C17orf75: variants seen among roughly 807,000 people sequenced by gnomAD.
The protein encoded by C17orf75 is chromosome 17 open reading frame 75.
In C17orf75, 32 loss-of-function variants were observed where a neutral mutation model predicts 49.6. The ratio of observed to expected loss-of-function variants is 0.65; its 90% CI spans 0.49 to 0.87. The LOEUF (loss-of-function observed/expected upper bound fraction) is 0.87. Ranked by LOEUF, C17orf75 falls within the 40% of genes least tolerant of loss-of-function variation. The probability of loss-of-function intolerance (pLI) is 0.00; values close to 1 mark genes in which losing one functional copy is unlikely to be tolerated. For synonymous variants in C17orf75, 158 were observed against 159.5 expected (o/e 0.99, Z 0.07); for missense variants, 428 against 473.9 (o/e 0.90, Z 0.90).
chr17:32,347,398 C>A (rs992653255), intron 1 of C17orf75, among the ~76,000 whole-genome samples: 12 of 152,128 alleles, frequency 7.9e-5, no homozygotes, highest in African/African-American at 2.9e-4. Context: ...CCTGCCTCAG[C>A]CTCCAGAGTA....
In C17orf75 at chr17:32,328,912, A is replaced by AC. The variant is rs1300401952; in HGVS notation, c.*2850_*2851insG. 1 of 152,194 alleles carries AC rather than the reference A, an allele frequency of 6.6e-6. No individual in the cohort carries two copies. Among genetic ancestry groups the AC allele is most frequent in the Admixed American group, 6.5e-5 (1 of 15,282 alleles). 9.4% of individuals were successfully genotyped at this position (152,194 alleles called of 1,614,324 possible). Reference sequence around the variant, plus strand: ...CTTAAAAAATAAAACAAAAACAAAAAAAAAAACAACTTTAAAAGCCAAGAT... The same window carrying AC: ...CTTAAAAAATAAAACAAAAACAAAAACAAAAAACAACTTTAAAAGCCAAGAT... On this transcript the variant is annotated 3_prime_UTR_variant, in exon 10 of 10. Transcript: ENST00000577809.
intron 7 of C17orf75, 61 bp downstream of exon 7, chr17:32,334,714 C>T: frequency 1.3e-6 from 2 of 1,568,524 alleles, no homozygotes; most frequent in Non-Finnish European, 1.7e-6. Flanking sequence ...GAGCAGTTTA[C>T]AAACACAGAT....
chr17:32,340,110 C>T, intron 2 of C17orf75, 172 bp from the exon 3 acceptor site: 2 of 703,018 alleles, frequency 2.8e-6, no homozygotes, highest in Middle Eastern at 7.6e-4. Context: ...TATGATCTAC[C>T]TCATCAAATA....
At chr17:32,346,134 C>T (rs971685305), upstream of C17orf75, among the ~76,000 whole-genome samples, 4 of 152,060 alleles carry the variant, frequency 2.6e-5, no homozygotes, top group East Asian at 1.9e-4. Flanking sequence ...CTCACTACAA[C>T]GAGAGGCACA....
Position 32,331,902 on chromosome 17 carries a change from T to A in C17orf75, c.1052A>T (p.Tyr351Phe). 6.2e-7 allele frequency: 1 copy of A among 1,613,520 alleles called. No homozygotes were observed. Among genetic ancestry groups the A allele is most frequent in the Non-Finnish European group, 8.5e-7 (1 of 1,179,566 alleles). Residue 351 changes from tyrosine (Y) to phenylalanine (F), a missense_variant, in exon 10 of 10, where the codon TAC (tyrosine) becomes TTC (phenylalanine). Physicochemically the swap from Tyr to Phe is conservative, Grantham distance 22. Coordinates refer to ENST00000577809, the MANE Select transcript of C17orf75 (RefSeq NM_022344.4). ...EMNHYALFKC[Y>F]MFLKNCGSGD... is the part of the protein sequence containing the mutation. Reference sequence around the variant, plus strand: ...ACTACCACAGTTCTTTAGGAACATGTAACATTTAAACAAAGCATAATGATT... The same window carrying A: ...ACTACCACAGTTCTTTAGGAACATGAAACATTTAAACAAAGCATAATGATT...
At position 32,342,092 on chromosome 17, in the gene C17orf75, T is replaced by C; in HGVS notation, c.48A>G (p.Leu16=). ...QESMDGDEKE[L]ESSEEGGSAE... is the part of the protein sequence containing the mutation. ...CTGAGCCTCCCTCTTCGCTGCTCTC[T>C]AGTTCCTTTTCATCTCCATCCATCG... The change falls in exon 1 of 10, where the codon CTA becomes CTG. Residue 16 remains leucine, a synonymous_variant. Coordinates refer to ENST00000577809, the MANE Select transcript of C17orf75 (RefSeq NM_022344.4). The C allele has an allele frequency of 6.3e-7, 1 of 1,599,314 alleles. No homozygotes were observed. Among genetic ancestry groups the C allele is most frequent in the South Asian group, 1.1e-5 (1 of 88,582 alleles).
In C17orf75 at chr17:32,342,135, A is replaced by T. The variant is rs201322517; in HGVS notation, c.5T>A (p.Leu2His). The T allele has an allele frequency of 6.3e-7, 1 of 1,596,652 alleles. No individual in the cohort carries two copies. The highest frequency in any genetic ancestry group is 8.5e-7 in the Non-Finnish European group (1 of 1,172,394). M[L>H]PSLQESMDGD... ...ATCCATCGACTCCTGCAAAGAGGGGAGCATTGCGGCGGCCTCTGAGCGGCC... is the reference window on the plus strand; with the variant it reads ...ATCCATCGACTCCTGCAAAGAGGGGTGCATTGCGGCGGCCTCTGAGCGGCC... Residue 2 changes from leucine to histidine, a missense_variant, in exon 1 of 10, where the codon CTC becomes CAC. Leu to His is a moderately conservative substitution (Grantham distance 99, BLOSUM62 -3). Transcript: ENST00000577809.
upstream of C17orf75, among the ~76,000 whole-genome samples, chr17:32,346,328 G>A (rs2041425019): frequency 2.0e-5 from 3 of 152,186 alleles, no homozygotes; most frequent in Admixed American, 1.3e-4. Flanking sequence ...GCTGAGGTGG[G>A]AGGATCCATT....
At chr17:32,341,029 G>C in intron 2 of C17orf75, 175 bp downstream of exon 2, 4 of 662,518 alleles carry the variant, frequency 6.0e-6, no homozygotes, top group Non-Finnish European at 1.1e-5. Context: ...GTTTGCCCCA[G>C]CCTTGAATGA....
At chr17:32,333,614 G>T (rs1055036284) in intron 8 of C17orf75, 94 bp from the exon 9 acceptor site, 1 of 1,117,344 alleles carries the variant, frequency 8.9e-7, no homozygotes, top group African/African-American at 1.6e-5. Flanking sequence ...CTTGTTGCCC[G>T]GCTGGAGTGC....
rs532151548 is a variant in C17orf75, at chr17:32,333,500, C to T, written c.892G>A (p.Asp298Asn). The stretch of plus-strand genomic sequence containing the variant: ...CCATTTAAAAAAGCTTGCATCCAAT[C>T]CTCACAAAACCGGTTACTTCCTATA... Reference protein sequence around the residue: ...CNAGSNRFCEDWMQAFLNGAK... With the variant: ...CNAGSNRFCENWMQAFLNGAK... The change falls in exon 9 of 10, where the codon GAT (aspartate) becomes AAT (asparagine). Residue 298 changes from aspartate to asparagine, a missense_variant. Physicochemically the swap from Asp to Asn is conservative, Grantham distance 23 (BLOSUM62 1). Coordinates refer to ENST00000577809, the MANE Select transcript of C17orf75 (RefSeq NM_022344.4). 6.2e-7 allele frequency: 1 copy of T among 1,612,662 alleles called. No individual in the cohort carries two copies. The highest frequency in any genetic ancestry group is 1.3e-5 in the African/African-American group (1 of 74,952).
In C17orf75 at chr17:32,348,184, AT is replaced by A. The variant is rs879894719; in HGVS notation, c.-7+1757del. Among the ~76,000 whole-genome samples the A allele has an allele frequency of 4.7e-5, 7 of 150,248 alleles. No individual in the cohort carries two copies. The East Asian group carries it at 1.2e-3, about 25-fold the overall frequency. On this transcript the variant is annotated intron_variant, in intron 1 of 8. Transcript: ENST00000583774. ...AGGCGTGCCCCACCACGCCTGGCTA[AT>A]TTTTTTTTGGTATTTTTAGTAAAGA...
In C17orf75 at chr17:32,330,427, T is replaced by G. The variant is rs1273589602; in HGVS notation, c.*1336A>C. ...TTATGGGTTTGTGCTCCTCTGAGCATCCTCAGGGAAGTGAGAACACAAGAC... is the reference window on the plus strand; with the variant it reads ...TTATGGGTTTGTGCTCCTCTGAGCAGCCTCAGGGAAGTGAGAACACAAGAC... On this transcript the variant is annotated 3_prime_UTR_variant, in exon 10 of 10. Coordinates refer to ENST00000577809, the MANE Select transcript of C17orf75 (RefSeq NM_022344.4). 2.0e-5 allele frequency: 3 copies of G among 152,202 alleles called. No homozygotes were observed. The highest frequency in any genetic ancestry group is 2.0e-4 in the Admixed American group (3 of 15,276). 9.4% of individuals were successfully genotyped at this position (152,202 alleles called of 1,614,324 possible).
At chr17:32,346,027 T>C (rs112107621), upstream of C17orf75, among the ~76,000 whole-genome samples, 9 of 152,238 alleles carry the variant, frequency 5.9e-5, no homozygotes, top group African/African-American at 2.2e-4. Flanking sequence ...TCTCTATGTA[T>C]CTATTTTAAA....
intron 3 of C17orf75, among the ~76,000 whole-genome samples, chr17:32,339,408 TAAAAAAAAAAAAA>T (rs574223196): frequency 4.4e-5 from 5 of 114,866 alleles, no homozygotes; most frequent in African/African-American, 1.6e-4. Flanking sequence ...ACCCCATTTC[TAAAAAAAAAAAAA>T]AAAAAAAATT....
At chr17:32,334,304 A>G (rs1273998137) in intron 8 of C17orf75, among the ~76,000 whole-genome samples, 165 bp downstream of exon 8, 1 of 152,134 alleles carries the variant, frequency 6.6e-6, no homozygotes, top group Non-Finnish European at 1.5e-5. Context: ...CATGATTTCC[A>G]TGTTTCTAGA....
At chr17:32,343,182 A>G (rs752887510), upstream of C17orf75, among the ~76,000 whole-genome samples, 1 of 152,214 alleles carries the variant, frequency 6.6e-6, no homozygotes, top group Non-Finnish European at 1.5e-5. Flanking sequence ...ATTCTCCCCT[A>G]GAGGCTTCAA....
At chr17:32,349,516 G>C (rs562125655) in intron 1 of C17orf75, among the ~76,000 whole-genome samples, 34 of 152,298 alleles carry the variant, frequency 2.2e-4, no homozygotes, top group Admixed American at 3.9e-4. Flanking sequence ...GGGAGACGGA[G>C]GTTGCAGTGA....
At chr17:32,343,071 G>A (rs542075128), upstream of C17orf75, among the ~76,000 whole-genome samples, 4 of 152,218 alleles carry the variant, frequency 2.6e-5, no homozygotes, top group South Asian at 2.1e-4. Flanking sequence ...AAACCATAGC[G>A]CCACGTGAAG....
Sources: allele counts gnomAD v4.1 joint callset (sites outside exome capture counted in the v4.1 genomes callset), GRCh38; gene constraint gnomAD v4.1.1; transcripts MANE v1.5; gene names NCBI Gene and HGNC (gene_info 2026-07-23, HGNC 2026-07-21).